Variants in TET2 observed in about 807,000 individuals in gnomAD.
The protein encoded by TET2 is tet methylcytosine dioxygenase 2.
A neutral mutation model predicts 142.9 loss-of-function variants in TET2; 299 were observed. The ratio of observed to expected loss-of-function variants is 2.09; its 90% CI spans 1.90 to 2.30. The LOEUF (loss-of-function observed/expected upper bound fraction) is 2.30. Ranked by LOEUF, TET2 falls within the 30% of genes most tolerant of loss-of-function variation. The pLI, the probability that TET2 is intolerant of heterozygous loss-of-function variation, is 0.00. For missense variants in TET2, 2,418 were observed against 2,378.0 expected (o/e 1.02, Z -0.35); for synonymous variants, 819 against 849.0 (o/e 0.96, Z 0.61).
intron 8 of TET2, among the ~76,000 whole-genome samples, chr4:105,266,965 G>T (rs1015662622): frequency 2.0e-5 from 3 of 151,748 alleles, no homozygotes; most frequent in Non-Finnish European, 1.5e-5. Context: ...CTTACAATCT[G>T]TGATAAAGAG....
intron 2 of TET2, among the ~76,000 whole-genome samples, chr4:105,210,810 C>G (rs181280389): frequency 1.3e-5 from 2 of 152,176 alleles, no homozygotes; most frequent in South Asian, 4.1e-4. Flanking sequence ...TTCTCTAGTT[C>G]AGGACATTCT....
intron 3 of TET2, chr4:105,237,558 A>G: frequency 1.3e-6 from 2 of 1,516,826 alleles, no homozygotes; most frequent in Non-Finnish European, 1.8e-6. Flanking sequence ...CAGTTTTTCC[A>G]AAAGAATTAA....
chr4:105,176,256 T>C (rs1724788534), intron 1 of TET2, among the ~76,000 whole-genome samples: 1 of 152,146 alleles, frequency 6.6e-6, no homozygotes. Flanking sequence ...GTGTCTCCTC[T>C]TACCACTTTG....
At chr4:105,159,195 C>T (rs1237750393) in intron 1 of TET2, among the ~76,000 whole-genome samples, 2 of 151,954 alleles carry the variant, frequency 1.3e-5, no homozygotes, top group East Asian at 1.9e-4. Flanking sequence ...GGTTTTCCTA[C>T]CAAAGCCTCA....
At chr4:105,191,088 T>A (rs1204245482) in intron 2 of TET2, among the ~76,000 whole-genome samples, 1 of 152,200 alleles carries the variant, frequency 6.6e-6, no homozygotes. Flanking sequence ...AGTCTGGCTA[T>A]GTTGCCCAGG....
At chr4:105,274,964 C>T (rs1261002472) in intron 10 of TET2, 84 bp from the exon 11 acceptor site, 34 of 1,441,554 alleles carry the variant, frequency 2.4e-5, no homozygotes, top group Middle Eastern at 2.5e-4. Context: ...TTCTTACCTA[C>T]ATTTAAGTAT....
chr4:105,208,996 T>A (rs1418405154), intron 2 of TET2, among the ~76,000 whole-genome samples: 1 of 140,362 alleles, frequency 7.1e-6, no homozygotes, highest in South Asian at 2.3e-4. Flanking sequence ...AAGTTTGGCA[T>A]TTAATAAGAT....
chr4:105,216,233 C>T (rs1727484150), intron 2 of TET2, among the ~76,000 whole-genome samples: 1 of 152,018 alleles, frequency 6.6e-6, no homozygotes, highest in Non-Finnish European at 1.5e-5. Context: ...CTGACTAAAA[C>T]AAAAGGAATG....
At chr4:105,158,555 T>G (rs1408911280) in intron 1 of TET2, among the ~76,000 whole-genome samples, 2 of 152,184 alleles carry the variant, frequency 1.3e-5, no homozygotes, top group African/African-American at 4.8e-5. Flanking sequence ...GGGTGTAAAT[T>G]ATAACTTTGT....
intron 6 of TET2, among the ~76,000 whole-genome samples, chr4:105,247,596 A>G (rs1232052062): frequency 2.0e-5 from 3 of 151,160 alleles, no homozygotes; most frequent in Admixed American, 2.0e-4. Flanking sequence ...TTTCTCTGTA[A>G]AATTCCCCAC....
Position 105,275,930 on chromosome 4 carries a change from A to C in TET2, c.5420A>C (p.Asp1807Ala). ...LSKMLPALNH[D>A]RTACVQGGLH... ...AAGATGCTTCCAGCTCTTAACCATGATAGAACTGCTTGTGTCCAAGGAGGC... is the reference window on the plus strand; with the variant it reads ...AAGATGCTTCCAGCTCTTAACCATGCTAGAACTGCTTGTGTCCAAGGAGGC... The change falls in exon 11 of 11, where the codon GAT (aspartate) becomes GCT (alanine). Residue 1807 changes from aspartate to alanine, a missense_variant. Coordinates refer to ENST00000380013, the MANE Select transcript of TET2 (RefSeq NM_001127208.3). 1.3e-6 allele frequency: 2 copies of C among 1,552,040 alleles called. No individual in the cohort carries two copies. The highest frequency in any genetic ancestry group is 1.7e-6 in the Non-Finnish European group (2 of 1,147,046).
At chr4:105,187,503 C>G (rs983075916) in intron 1 of TET2, among the ~76,000 whole-genome samples, 2 of 152,190 alleles carry the variant, frequency 1.3e-5, no homozygotes, top group Non-Finnish European at 2.9e-5. Flanking sequence ...TAAGTTTTTT[C>G]AAATGCATCA....
chr4:105,233,551 G>A (rs939798813), intron 2 of TET2, among the ~76,000 whole-genome samples: 9 of 152,066 alleles, frequency 5.9e-5, no homozygotes, highest in Admixed American at 2.0e-4. Context: ...AGAAAATAAA[G>A]GGGATATTTT....
chr4:105,276,819 A>G lies in TET2; in HGVS notation c.*300A>G, dbSNP rs1482469340. The G allele has an allele frequency of 1.0e-5, 3 of 295,340 alleles. No individual in the cohort carries two copies. The highest frequency in any genetic ancestry group is 1.9e-5 in the Non-Finnish European group (3 of 155,850). The allele number at this position is 295,340 out of a possible 1,614,324, so 18.3% of individuals were successfully genotyped here. ...TAAACACTGGTTCTATTATTGGACG[A>G]GATGATATGTAAATGTGATCCCCCC... On this transcript the variant is annotated 3_prime_UTR_variant, in exon 11 of 11. Coordinates refer to ENST00000380013, the MANE Select transcript of TET2 (RefSeq NM_001127208.3).
In TET2 at chr4:105,186,824, GC is replaced by G. The variant is rs145879751; in HGVS notation, c.-192-3534del. ...CTTCTCTTTCAAAACATGTATATAA[GC>G]CTGTGAGTCATCACTGTATTTATCA... On this transcript the variant is annotated intron_variant, in intron 1 of 10. Coordinates refer to ENST00000380013, the MANE Select transcript of TET2 (RefSeq NM_001127208.3). Among the ~76,000 whole-genome samples the G allele has an allele frequency of 1.7e-3, 254 of 152,206 alleles. 4 individuals are homozygous for G. The highest frequency in any genetic ancestry group is 6.0e-3 in the African/African-American group (251 of 41,548).
intron 2 of TET2, among the ~76,000 whole-genome samples, chr4:105,214,928 G>C (rs2110560985): frequency 6.6e-6 from 1 of 152,248 alleles, no homozygotes; most frequent in East Asian, 1.9e-4. Context: ...GGGTGTTGTG[G>C]GAACCCCAAC....
rs146409209 is a variant in TET2 at position 105,224,036 on chromosome 4, C to G, written c.-46-9861C>G. On this transcript the variant is annotated intron_variant, in intron 2 of 10. Transcript: ENST00000380013. ...TTTATGGAAAAAAATAATTTACTACCTTATAGTATGGCAACTATACAAATC... is the reference window on the plus strand; with the variant it reads ...TTTATGGAAAAAAATAATTTACTACGTTATAGTATGGCAACTATACAAATC... 2.1e-3 allele frequency among the ~76,000 whole-genome samples: 324 copies of G among 151,716 alleles called. 1 individual carries two copies. Among genetic ancestry groups the G allele is most frequent in the African/African-American group, 7.3e-3 (304 of 41,382 alleles).
intron 2 of TET2, among the ~76,000 whole-genome samples, chr4:105,192,039 T>G (rs1194480763): frequency 6.6e-6 from 1 of 152,182 alleles, no homozygotes; most frequent in Non-Finnish European, 1.5e-5. Flanking sequence ...CTGTGACTAC[T>G]CATTCTGCTC....
chr4:105,164,964 T>C (rs1362460302), intron 1 of TET2, among the ~76,000 whole-genome samples: 5 of 152,314 alleles, frequency 3.3e-5, no homozygotes, highest in East Asian at 1.9e-4. Flanking sequence ...CATAGAAATA[T>C]TAAATGATAG....
Sources: allele counts gnomAD v4.1 joint callset (sites outside exome capture counted in the v4.1 genomes callset), GRCh38; gene constraint gnomAD v4.1.1; transcripts MANE v1.5; gene names NCBI Gene and HGNC (gene_info 2026-07-23, HGNC 2026-07-21).